Variants in RANBP2 observed in about 807,000 individuals in gnomAD.
RANBP2 encodes RAN binding protein 2, also known as E3 SUMO-protein ligase RanBP2.
A neutral mutation model predicts 303.6 loss-of-function variants in RANBP2; 57 were observed. That is an observed-to-expected ratio of 0.19 (90% confidence interval 0.15 to 0.23). RANBP2 has a LOEUF of 0.23. Ranked by LOEUF, RANBP2 falls within the 10% of genes least tolerant of loss-of-function variation. The pLI is 1.00. For missense variants in RANBP2, 3,138 were observed against 3,780.8 expected, an observed-to-expected ratio of 0.83 and a Z score of 4.46; for synonymous variants, 1,167 against 1,301.5, an observed-to-expected ratio of 0.90 and a Z score of 2.23.
Position 108,753,835 on chromosome 2 carries a change from G to A in RANBP2, c.2066G>A (p.Arg689Lys), listed in dbSNP as rs1220611752. Residue 689 changes from arginine (R) to lysine (K), a missense_variant, in exon 15 of 29, where the codon AGG (arginine) becomes AAG (lysine). This residue lies in a region of RANBP2 where 194 missense variants were observed against 197.4 expected (regional missense o/e 0.98). Coordinates refer to ENST00000283195, the MANE Select transcript of RANBP2 (RefSeq NM_006267.5). ...SYWNLALIFH[R>K]KAEDIENDAL... ...GCACTATTTGTATAGATTTTTCACA[G>A]GAAGGCAGAAGACATTGAAAATGAT... 9 of 1,611,770 alleles carry A rather than the reference G, an allele frequency of 5.6e-6. No homozygotes were observed. The Admixed American group carries it at 6.7e-5, about 12-fold the overall frequency.
the RANBP2 span, among the ~76,000 whole-genome samples, chr2:109,671,612 T>C: frequency 1.3e-5 from 2 of 152,182 alleles, no homozygotes; most frequent in African/African-American, 4.8e-5. Flanking sequence ...AGTGGAGCAT[T>C]ATCTCACTCT....
the RANBP2 span, among the ~76,000 whole-genome samples, chr2:109,431,316 T>C: frequency 6.6e-6 from 1 of 152,226 alleles, no homozygotes; most frequent in African/African-American, 2.4e-5. Context: ...GGTCTCTTAG[T>C]GAACTGAGGC....
At chr2:109,328,242 C>G in the RANBP2 span, among the ~76,000 whole-genome samples, 1 of 152,182 alleles carries the variant, frequency 6.6e-6, no homozygotes, top group Non-Finnish European at 1.5e-5. Flanking sequence ...TTGTTTTGTT[C>G]AAACCTGGAT....
chr2:108,935,256 G>T, the RANBP2 span, among the ~76,000 whole-genome samples: 1 of 152,112 alleles, frequency 6.6e-6, no homozygotes, highest in Non-Finnish European at 1.5e-5. Flanking sequence ...ATCAGCTTAT[G>T]ACTACTGAGC....
At chr2:108,949,672 C>T in the RANBP2 span, among the ~76,000 whole-genome samples, 1 of 152,138 alleles carries the variant, frequency 6.6e-6, no homozygotes, top group Non-Finnish European at 1.5e-5. Flanking sequence ...TTTGGGGCTG[C>T]AGGAACTAAT....
the RANBP2 span, among the ~76,000 whole-genome samples, chr2:109,210,127 G>A: frequency 1.3e-5 from 2 of 152,300 alleles, no homozygotes; most frequent in South Asian, 2.1e-4. Context: ...AGCCGCATGC[G>A]TCACAATCTC....
chr2:108,953,934 A>G, the RANBP2 span, among the ~76,000 whole-genome samples: 2 of 152,228 alleles, frequency 1.3e-5, no homozygotes, highest in Non-Finnish European at 2.9e-5. Context: ...TCTACATATT[A>G]TAAGTGAGAC....
the RANBP2 span, among the ~76,000 whole-genome samples, chr2:109,766,378 C>G: frequency 1.3e-5 from 2 of 150,704 alleles, no homozygotes; most frequent in African/African-American, 4.9e-5. Context: ...GGTGGAGAGA[C>G]TGGTTAGTTC....
chr2:109,008,615 T>C, the RANBP2 span, among the ~76,000 whole-genome samples: 1 of 149,046 alleles, frequency 6.7e-6, no homozygotes, highest in South Asian at 2.1e-4. Context: ...AAAAAATCCA[T>C]GGATAGGCTG....
At chr2:109,370,946 G>A in the RANBP2 span, among the ~76,000 whole-genome samples, 1 of 152,190 alleles carries the variant, frequency 6.6e-6, no homozygotes, top group Admixed American at 6.5e-5. Flanking sequence ...GAATCTTAAA[G>A]CCTTTTCTAC....
chr2:109,450,171 C>T, the RANBP2 span, among the ~76,000 whole-genome samples: 4 of 151,886 alleles, frequency 2.6e-5, no homozygotes, highest in Admixed American at 2.6e-4. Flanking sequence ...CATGGCAAAA[C>T]CCCATCTCTA....
chr2:108,920,800 G>A, the RANBP2 span, among the ~76,000 whole-genome samples: 1 of 152,224 alleles, frequency 6.6e-6, no homozygotes, highest in Non-Finnish European at 1.5e-5. Flanking sequence ...ACGCCCTGGG[G>A]CACTCATGAT....
chr2:109,108,905 C>G, the RANBP2 span, among the ~76,000 whole-genome samples: 1 of 151,882 alleles, frequency 6.6e-6, no homozygotes, highest in South Asian at 2.1e-4. Flanking sequence ...CTTGGAACTC[C>G]GGGAGGCTCA....
chr2:109,727,296 A>G, the RANBP2 span, among the ~76,000 whole-genome samples: 1 of 152,100 alleles, frequency 6.6e-6, no homozygotes, highest in Non-Finnish European at 1.5e-5. Context: ...GATACAAATA[A>G]CCTGTGGGAA....
chr2:109,433,740 G>A, the RANBP2 span, among the ~76,000 whole-genome samples: 2 of 152,214 alleles, frequency 1.3e-5, no homozygotes, highest in South Asian at 2.1e-4. Flanking sequence ...GCCCAGAAGC[G>A]GGGGCTAAGG....
chr2:108,744,512 G>A (rs1011736362), intron 7 of RANBP2, among the ~76,000 whole-genome samples: 6 of 152,084 alleles, frequency 3.9e-5, no homozygotes, highest in Admixed American at 1.3e-4. Flanking sequence ...AAAAGAGGCC[G>A]GGTTTATGAA....
At chr2:109,341,792 C>T in the RANBP2 span, among the ~76,000 whole-genome samples, 1 of 152,176 alleles carries the variant, frequency 6.6e-6, no homozygotes, top group Non-Finnish European at 1.5e-5. Context: ...CCAGAATGTG[C>T]AGGAATCACT....
At chr2:108,869,080 A>G in the RANBP2 span, among the ~76,000 whole-genome samples, 176 of 152,166 alleles carry the variant, frequency 1.2e-3, no homozygotes, top group African/African-American at 4.2e-3. Flanking sequence ...GTACATGCTC[A>G]AGCAGAGCAA....
the RANBP2 span, among the ~76,000 whole-genome samples, chr2:109,566,384 T>C: frequency 4.6e-5 from 7 of 151,984 alleles, no homozygotes; most frequent in East Asian, 1.4e-3. Flanking sequence ...GGATTATAGG[T>C]GTGAGCCCTA....
Sources: allele counts gnomAD v4.1 joint callset (sites outside exome capture counted in the v4.1 genomes callset), GRCh38; gene constraint gnomAD v4.1.1; regional missense constraint gnomAD v4.1.1; transcripts MANE v1.5; gene names NCBI Gene and HGNC (gene_info 2026-07-23, HGNC 2026-07-21).